TMPRSS13: variants seen among roughly 807,000 people sequenced by gnomAD.
TMPRSS13 encodes the protein transmembrane serine protease 13.
A neutral mutation model predicts 68.4 loss-of-function variants in TMPRSS13; 50 were observed. The ratio of observed to expected loss-of-function variants is 0.73; its 90% CI spans 0.58 to 0.93. TMPRSS13 has a LOEUF of 0.93. TMPRSS13 is among the 40% of genes least tolerant of loss of function. The pLI, the probability that TMPRSS13 is intolerant of heterozygous loss-of-function variation, is 0.00. For missense variants in TMPRSS13, 615 were observed against 729.2 expected (o/e 0.84, Z 1.80); for synonymous variants, 267 against 285.8 (o/e 0.93, Z 0.66).
chr11:117,919,839 C>T (rs2057624950), intron 1 of TMPRSS13, among the ~76,000 whole-genome samples: 1 of 152,248 alleles, frequency 6.6e-6, no homozygotes, highest in Non-Finnish European at 1.5e-5. Flanking sequence ...GTCTCTGAGT[C>T]ACCTGCCCTT....
At chr11:117,927,834 T>A (rs2057721273) in intron 1 of TMPRSS13, among the ~76,000 whole-genome samples, 1 of 152,178 alleles carries the variant, frequency 6.6e-6, no homozygotes, top group Non-Finnish European at 1.5e-5. Flanking sequence ...CAAGGTAAGT[T>A]TGGACAATCT....
chr11:117,923,067 C>A (rs982680851), intron 1 of TMPRSS13, among the ~76,000 whole-genome samples: 2 of 152,202 alleles, frequency 1.3e-5, no homozygotes, highest in Non-Finnish European at 2.9e-5. Flanking sequence ...CAGCCCCTGG[C>A]TCTGGGAGTC....
intron 1 of TMPRSS13, among the ~76,000 whole-genome samples, chr11:117,926,988 G>A (rs2057713746): frequency 6.6e-6 from 1 of 152,198 alleles, no homozygotes; most frequent in African/African-American, 2.4e-5. Flanking sequence ...TTAGCCTAAA[G>A]CTGCCTCCTT....
chr11:117,903,132 A>T (rs972560944), intron 12 of TMPRSS13: 2 of 1,311,916 alleles, frequency 1.5e-6, no homozygotes, highest in Non-Finnish European at 1.9e-6. Flanking sequence ...AAAGAATGGT[A>T]GTTCTCAGGG....
At position 117,922,121 on chromosome 11, in the gene TMPRSS13, A is replaced by G. The variant is rs1164781455; in HGVS notation, c.22-3283T>C. ...AGCACTAACTCATTTCTTTTCCCCA[A>G]TTCTTGGAGAACAACTGCTGAGACT... is the stretch of plus-strand genomic sequence containing the variant. On this transcript the variant is annotated intron_variant, in intron 1 of 12. Coordinates refer to ENST00000524993, the MANE Select transcript of TMPRSS13 (RefSeq NM_001077263.3). The surrounding 1 kb of genome is among the most constrained non-coding windows in gnomAD (Gnocchi z 4.2). 6.6e-6 allele frequency among the ~76,000 whole-genome samples: 1 copy of G among 152,154 alleles called. No individual in the cohort carries two copies. The highest frequency in any genetic ancestry group is 2.4e-5 in the African/African-American group (1 of 41,430).
At position 117,913,809 on chromosome 11, in the gene TMPRSS13, T is replaced by C. The variant is rs758103334; in HGVS notation, c.777A>G (p.Ser259=). ...AACCCAGCTGCTGGCAGGTCTTCTC[T>C]GAGTAGGAGTCATTCCAGTTGCTGC... is the stretch of plus-strand genomic sequence containing the variant. ...ICSSNWNDSY[S]EKTCQQLGFE... is the part of the protein sequence containing the mutation. Residue 259 remains serine (S), a synonymous_variant, in exon 5 of 13, where the codon TCA becomes TCG. Transcript: ENST00000524993. The C allele has an allele frequency of 6.2e-7, 1 of 1,613,950 alleles. No individual in the cohort carries two copies.
chr11:117,902,320 C>T (rs2057416525), intron 12 of TMPRSS13, 55 bp from the exon 13 acceptor site: 1 of 1,605,704 alleles, frequency 6.2e-7, no homozygotes, highest in Non-Finnish European at 8.5e-7. Flanking sequence ...GCGAGGAGCA[C>T]AGAAGCCCAA....
chr11:117,913,763 A>G lies in TMPRSS13; in HGVS notation c.809+14T>C, dbSNP rs1256901099. ...TCCCTGAAGCCTGGACTCTGGGGCC[A>G]GGTTGGGGGTTACCTCTCGAAACCC... On this transcript the variant is annotated intron_variant, in intron 5 of 12. Coordinates refer to ENST00000524993, the MANE Select transcript of TMPRSS13 (RefSeq NM_001077263.3). 1.9e-6 allele frequency: 3 copies of G among 1,612,668 alleles called. No homozygotes were observed. The South Asian group carries it at 3.3e-5, about 18-fold the overall frequency.
chr11:117,903,977 C>G lies in TMPRSS13; in HGVS notation c.1506G>C (p.Gly502=). 2 of 1,612,430 alleles carry G rather than the reference C, an allele frequency of 1.2e-6. No individual in the cohort carries two copies. The highest frequency in any genetic ancestry group is 1.7e-6 in the Non-Finnish European group (2 of 1,179,300). The change falls in exon 11 of 13, where the codon GGG becomes GGC. Residue 502 remains glycine (G), a synonymous_variant. Transcript: ENST00000524993. The part of the protein sequence containing the change: ...PRMMCAGDLR[G]GRDSCQGDSG... Reference sequence around the variant, plus strand: ...CCCTCACCTGGCAGGAGTCTCTGCCCCCACGAAGGTCCCCAGCACACATCA... The same window carrying G: ...CCCTCACCTGGCAGGAGTCTCTGCCGCCACGAAGGTCCCCAGCACACATCA...
intron 12 of TMPRSS13, chr11:117,902,912 T>C (rs1421505111): frequency 1.0e-6 from 1 of 971,494 alleles, no homozygotes; most frequent in Non-Finnish European, 1.2e-6. Flanking sequence ...GGGGACTCTC[T>C]AGGGTGGATC....
In TMPRSS13 at chr11:117,918,704, G is replaced by C; in HGVS notation, c.156C>G (p.Gly52=). The change falls in exon 2 of 13, where the codon GGC becomes GGG. Residue 52 remains glycine, a synonymous_variant. Transcript: ENST00000524993. ...AQASPAGTPP[G]RASPAQASPA... ...GAGATGCCTGGGCTGGAGATGCCCG[G>C]CCCGGAGGTGTCCCAGCTGGAGATG... The C allele has an allele frequency of 6.2e-7, 1 of 1,603,914 alleles. No individual in the cohort carries two copies. Among genetic ancestry groups the C allele is most frequent in the African/African-American group, 1.4e-5 (1 of 73,748 alleles).
chr11:117,907,214 C>A (rs11216614), intron 9 of TMPRSS13, among the ~76,000 whole-genome samples: 1 of 151,888 alleles, frequency 6.6e-6, no homozygotes, highest in African/African-American at 2.4e-5. Flanking sequence ...CAGTCTGTGC[C>A]CTTCTTGTGT....
In TMPRSS13 at chr11:117,914,621, T is replaced by A; in HGVS notation, c.557-107A>T. 6.5e-7 allele frequency: 1 copy of A among 1,546,596 alleles called. No homozygotes were observed. Among genetic ancestry groups the A allele is most frequent in the Non-Finnish European group, 8.7e-7 (1 of 1,149,568 alleles). Reference sequence around the variant, plus strand: ...CTGAGACACCGACCTGCAATCCCTCTTGAACTCTGGGGCTCTCATCCCCCA... The same window carrying A: ...CTGAGACACCGACCTGCAATCCCTCATGAACTCTGGGGCTCTCATCCCCCA... On this transcript the variant is annotated intron_variant, in intron 3 of 12. Coordinates refer to ENST00000524993, the MANE Select transcript of TMPRSS13 (RefSeq NM_001077263.3). This position sits in a 1 kb window ranked among gnomAD's most constrained non-coding sequence, Gnocchi z 4.2.
At position 117,915,871 on chromosome 11, in the gene TMPRSS13, G is replaced by A. The variant is rs1368319515; in HGVS notation, c.556+1299C>T. ...TAGTGGGAAAGGGAGGGAGGGCAGG[G>A]CAGCAAGTCACAGCAGGCACCATGC... On this transcript the variant is annotated intron_variant, in intron 3 of 12. Transcript: ENST00000524993. The surrounding 1 kb of genome is among the most constrained non-coding windows in gnomAD (Gnocchi z 4.9). Among the ~76,000 whole-genome samples the A allele has an allele frequency of 3.3e-5, 5 of 152,192 alleles. No individual in the cohort carries two copies. The highest frequency in any genetic ancestry group is 5.9e-5 in the Non-Finnish European group (4 of 68,030).
chr11:117,915,291 T>G lies in TMPRSS13; in HGVS notation c.557-777A>C, dbSNP rs2057565955. ...CTGGAGGCACCTCCCCTTGGCTGCC[T>G]CACAGACCCGGGTTCTAACTTCTCA... On this transcript the variant is annotated intron_variant, in intron 3 of 12. Coordinates refer to ENST00000524993, the MANE Select transcript of TMPRSS13 (RefSeq NM_001077263.3). The surrounding 1 kb of genome is among the most constrained non-coding windows in gnomAD (Gnocchi z 4.9). Among the ~76,000 whole-genome samples, 1 of 152,114 alleles carries G rather than the reference T, an allele frequency of 6.6e-6. No individual in the cohort carries two copies. Among genetic ancestry groups the G allele is most frequent in the Non-Finnish European group, 1.5e-5 (1 of 68,006 alleles).
chr11:117,905,923 A>G (rs1268503307), intron 9 of TMPRSS13, among the ~76,000 whole-genome samples, 187 bp from the exon 10 acceptor site: 2 of 152,166 alleles, frequency 1.3e-5, no homozygotes, highest in African/African-American at 4.8e-5. Context: ...CGATCACTTT[A>G]TCATAACCCA....
intron 8 of TMPRSS13, among the ~76,000 whole-genome samples, chr11:117,909,185 G>A (rs1163937916): frequency 6.6e-6 from 1 of 152,166 alleles, no homozygotes; most frequent in Non-Finnish European, 1.5e-5. Context: ...GACTAGGGAT[G>A]GGGACACAGA....
At position 117,901,076 on chromosome 11, in the gene TMPRSS13, C is replaced by T. The variant is rs2057407424; in HGVS notation, c.*1163G>A. ...GCATGGGACCATGTTAGCTTTCTCT[C>T]CATAGCAGTTTTTATGTCATTGCTA... On this transcript the variant is annotated 3_prime_UTR_variant, in exon 13 of 13. Transcript: ENST00000524993. 6.6e-6 allele frequency: 1 copy of T among 152,228 alleles called. No individual in the cohort carries two copies. Among genetic ancestry groups the T allele is most frequent in the South Asian group, 2.1e-4 (1 of 4,818 alleles). 9.4% of individuals were successfully genotyped at this position (152,228 alleles called of 1,614,324 possible).
chr11:117,902,317 G>C lies in TMPRSS13; in HGVS notation c.1678-52C>G, dbSNP rs748315720. 6.2e-6 allele frequency: 10 copies of C among 1,608,208 alleles called. No individual in the cohort carries two copies. In the South Asian group the frequency reaches 1.1e-4, roughly 18 times the overall value. On this transcript the variant is annotated intron_variant, in intron 12 of 12. Transcript: ENST00000524993. Reference sequence around the variant, plus strand: ...TGAGGGTGGGCCAGGTGGGCGAGGAGCACAGAAGCCCAAGGTTGGGGTTCA... The same window carrying C: ...TGAGGGTGGGCCAGGTGGGCGAGGACCACAGAAGCCCAAGGTTGGGGTTCA...
Sources: allele counts gnomAD v4.1 joint callset (sites outside exome capture counted in the v4.1 genomes callset), GRCh38; gene constraint gnomAD v4.1.1; non-coding constraint Gnocchi (gnomAD v3.1); transcripts MANE v1.5; gene names NCBI Gene and HGNC (gene_info 2026-07-23, HGNC 2026-07-21).